The following GPD2 variants were observed in gnomAD, a reference collection of about 807,000 sequenced individuals.
The protein encoded by GPD2 is glycerol-3-phosphate dehydrogenase, mitochondrial.
Under a neutral mutation model 82.4 loss-of-function variants are expected in GPD2, and 54 were observed. The observed-to-expected ratio is 0.66, with a 90% confidence interval of 0.53 to 0.82. GPD2 has a LOEUF of 0.82. Ranked by LOEUF, GPD2 falls within the 40% of genes least tolerant of loss-of-function variation. The probability of loss-of-function intolerance (pLI) is 0.00; values close to 1 mark genes in which losing one functional copy is unlikely to be tolerated. For synonymous variants in GPD2, 288 were observed against 306.1 expected (o/e 0.94, Z 0.62); for missense variants, 748 against 896.2 (o/e 0.83, Z 2.11).
At chr2:156,493,744 T>A (rs1684265375) in intron 2 of GPD2, among the ~76,000 whole-genome samples, 1 of 152,152 alleles carries the variant, frequency 6.6e-6, no homozygotes, top group Non-Finnish European at 1.5e-5. Context: ...TTCTGATGTG[T>A]GAAAATGCTC....
intron 6 of GPD2, among the ~76,000 whole-genome samples, chr2:156,540,074 G>A (rs1424625599): frequency 2.0e-5 from 3 of 152,158 alleles, no homozygotes; most frequent in Admixed American, 2.0e-4. Context: ...ATAGGACATT[G>A]AGCAGCAGGC....
At chr2:156,465,720 A>G (rs1683130802) in intron 1 of GPD2, among the ~76,000 whole-genome samples, 1 of 152,252 alleles carries the variant, frequency 6.6e-6, no homozygotes, top group East Asian at 1.9e-4. Flanking sequence ...ATGTAAAAAG[A>G]GCGTTTATGC....
intron 16 of GPD2, 104 bp from the exon 17 acceptor site, chr2:156,582,689 G>A: frequency 1.6e-6 from 2 of 1,213,340 alleles, no homozygotes; most frequent in Non-Finnish European, 2.4e-6. Context: ...TTTTGATGGA[G>A]CACTTAATTA....
At chr2:156,400,949 A>G in the GPD2 span, among the ~76,000 whole-genome samples, 10 of 152,180 alleles carry the variant, frequency 6.6e-5, no homozygotes, top group African/African-American at 2.2e-4. Flanking sequence ...GCCCAAAAAC[A>G]ATATAAAAGG....
chr2:156,466,351 G>A (rs1435560061), intron 1 of GPD2, among the ~76,000 whole-genome samples: 1 of 152,022 alleles, frequency 6.6e-6, no homozygotes, highest in Non-Finnish European at 1.5e-5. Context: ...AAACATAATA[G>A]AAACTATTCT....
rs368327923 is a variant in GPD2, at chr2:156,571,189, G to A, written c.1664G>A (p.Arg555His). The stretch of plus-strand genomic sequence containing the variant: ...ACTGCTGTGGATATGATTTCACGTC[G>A]TACTCGCCTGGCCTTTCTAAATGTC... Reference protein sequence around the residue: ...ACTAVDMISRRTRLAFLNVQA... With the variant: ...ACTAVDMISRHTRLAFLNVQA... The change falls in exon 13 of 17, where the codon CGT (arginine) becomes CAT (histidine). Residue 555 changes from arginine (R) to histidine (H), a missense_variant. By Grantham distance (29) the Arg-to-His change is conservative (BLOSUM62 0). Around this residue, in one of 3 missense-constraint regions of GPD2, gnomAD observed 692 missense variants for 809.7 expected, o/e 0.85. Coordinates refer to ENST00000438166, the MANE Select transcript of GPD2 (RefSeq NM_000408.5). 1.6e-5 allele frequency: 25 copies of A among 1,610,460 alleles called. No individual in the cohort carries two copies. The highest frequency in any genetic ancestry group is 2.2e-5 in the East Asian group (1 of 44,876).
At chr2:156,546,385 G>A (rs1303842653) in intron 6 of GPD2, among the ~76,000 whole-genome samples, 1 of 152,122 alleles carries the variant, frequency 6.6e-6, no homozygotes, top group African/African-American at 2.4e-5. Flanking sequence ...AATTACAGGA[G>A]GCATAGAGTT....
chr2:156,413,478 GGAGGCT>G, the GPD2 span, among the ~76,000 whole-genome samples: 1 of 151,942 alleles, frequency 6.6e-6, no homozygotes, highest in African/African-American at 2.4e-5. Flanking sequence ...CAGCTACGTG[GGAGGCT>G]GAGGCAGGAG....
intron 1 of GPD2, among the ~76,000 whole-genome samples, chr2:156,474,212 A>C (rs1293295343): frequency 6.6e-6 from 1 of 152,168 alleles, no homozygotes; most frequent in African/African-American, 2.4e-5. Flanking sequence ...AGAAGAAAAA[A>C]ATTTTAAAAA....
chr2:156,547,113 C>G (rs1160455875), intron 6 of GPD2, among the ~76,000 whole-genome samples: 3 of 152,182 alleles, frequency 2.0e-5, no homozygotes, highest in Non-Finnish European at 4.4e-5. Context: ...GTGTCTTTCT[C>G]AGTTATATTC....
At chr2:156,502,822 A>C (rs1029225746) in intron 3 of GPD2, among the ~76,000 whole-genome samples, 14 of 151,996 alleles carry the variant, frequency 9.2e-5, no homozygotes, top group African/African-American at 3.4e-4. Context: ...TTTACACTTA[A>C]TAGACTATGT....
intron 8 of GPD2, among the ~76,000 whole-genome samples, chr2:156,555,673 C>T (rs1291667952): frequency 6.6e-6 from 1 of 152,062 alleles, no homozygotes; most frequent in Admixed American, 6.6e-5. Flanking sequence ...CTAGTTTCTT[C>T]TGAGATTTTT....
At chr2:156,567,802 A>C (rs1436292709) in intron 9 of GPD2, among the ~76,000 whole-genome samples, 1 of 152,090 alleles carries the variant, frequency 6.6e-6, no homozygotes, top group Non-Finnish European at 1.5e-5. Context: ...CTTCTCTCTT[A>C]AGTCATTTTT....
chr2:156,499,421 T>G (rs1684505634), intron 3 of GPD2, among the ~76,000 whole-genome samples: 1 of 152,150 alleles, frequency 6.6e-6, no homozygotes, highest in Non-Finnish European at 1.5e-5. Flanking sequence ...TGTTGAAATG[T>G]AGGCCTGGAG....
chr2:156,512,080 A>C lies in GPD2; in HGVS notation c.400-140A>C, dbSNP rs1407524979. 7.4e-6 allele frequency: 5 copies of C among 676,640 alleles called. No homozygotes were observed. In the Admixed American group the frequency reaches 1.1e-4, roughly 14 times the overall value. 41.9% of individuals were successfully genotyped at this position (676,640 alleles called of 1,614,324 possible). A position where few individuals can be genotyped will look rare whatever the true frequency, so the allele number is the denominator to read the frequency against. On this transcript the variant is annotated intron_variant, in intron 4 of 16. Coordinates refer to ENST00000438166, the MANE Select transcript of GPD2 (RefSeq NM_000408.5). ...GGTTGACAGCATGATGTATTATTAG[A>C]AATTTGATTAGGAGGGAGCTATCCT...
chr2:156,439,692 CA>C (rs1405473936), intron 1 of GPD2, among the ~76,000 whole-genome samples: 1 of 151,428 alleles, frequency 6.6e-6, no homozygotes, highest in East Asian at 1.9e-4. Flanking sequence ...ACTAAAAATA[CA>C]AAAATTAGCC....
chr2:156,478,534 G>A (rs1463671311), intron 2 of GPD2, among the ~76,000 whole-genome samples: 1 of 152,060 alleles, frequency 6.6e-6, no homozygotes, highest in Non-Finnish European at 1.5e-5. Context: ...ATAAAAGCAA[G>A]AATGAGAAGA....
intron 9 of GPD2, among the ~76,000 whole-genome samples, chr2:156,560,657 A>G (rs188854172): frequency 6.6e-6 from 1 of 152,300 alleles, no homozygotes; most frequent in East Asian, 1.9e-4. Flanking sequence ...ATATTTGAGG[A>G]ATTATGCTTG....
intron 1 of GPD2, among the ~76,000 whole-genome samples, chr2:156,454,267 G>T (rs1682715220): frequency 1.3e-5 from 2 of 152,292 alleles, no homozygotes; most frequent in Admixed American, 1.3e-4. Context: ...TTAATCTCTT[G>T]ATCATAGCTA....
Sources: gnomAD v4.1 joint callset for allele counts (sites outside exome capture counted in the v4.1 genomes callset) on GRCh38, gnomAD v4.1.1 for gene constraint, gnomAD v4.1.1 regional missense constraint, MANE v1.5 for transcripts, NCBI Gene and HGNC (gene_info 2026-07-23, HGNC 2026-07-21) for gene names.